The following SHISA9 variants were observed in gnomAD, a reference collection of about 807,000 sequenced individuals.
SHISA9 encodes shisa family member 9, also known as protein shisa-9.
SHISA9 carries 13 observed loss-of-function variants against 38.0 expected under a neutral mutation model. The ratio of observed to expected loss-of-function variants is 0.34; its 90% CI spans 0.22 to 0.54. SHISA9 has a LOEUF of 0.54. Ranked by LOEUF, SHISA9 falls within the 20% of genes least tolerant of loss-of-function variation. SHISA9 has a pLI of 0.91. For missense variants in SHISA9, 538 were observed against 575.8 expected (o/e 0.93, Z 0.67); for synonymous variants, 275 against 242.0 (o/e 1.14, Z -1.27).
At chr16:12,946,753 G>A (rs2071693349) in intron 2 of SHISA9, among the ~76,000 whole-genome samples, 1 of 152,254 alleles carries the variant, frequency 6.6e-6, no homozygotes, top group African/African-American at 2.4e-5. Context: ...GCAGCTGTGA[G>A]CCATTAGCAA....
At chr16:13,509,487 A>G in the SHISA9 span, among the ~76,000 whole-genome samples, 3,938 of 152,280 alleles carry the variant, frequency 0.026, 178 homozygotes, top group African/African-American at 0.089. Flanking sequence ...CCTGCCTCAC[A>G]TAATTGCTGC....
In SHISA9 at chr16:12,908,548, G is replaced by A. The variant is rs2071135805; in HGVS notation, c.563+5921G>A. On this transcript the variant is annotated intron_variant, in intron 1 of 4. Transcript: ENST00000558583. The stretch of plus-strand genomic sequence containing the variant: ...AAGAGGACGAACCTGCCCCTGGAGA[G>A]TGGAGTGTCGGACTTCAAACCTGGA... 7 of 1,551,932 alleles carry A rather than the reference G, an allele frequency of 4.5e-6. No homozygotes were observed. The East Asian group carries it at 1.5e-4, about 33-fold the overall frequency.
chr16:13,163,224 G>C (rs2050610514), intron 2 of SHISA9, among the ~76,000 whole-genome samples: 1 of 152,110 alleles, frequency 6.6e-6, no homozygotes, highest in South Asian at 2.1e-4. Context: ...TACCTACCTA[G>C]AATAGGCCCA....
chr16:13,261,127 C>T, the SHISA9 span, among the ~76,000 whole-genome samples: 1 of 152,094 alleles, frequency 6.6e-6, no homozygotes, highest in Non-Finnish European at 1.5e-5. Context: ...AGATGCAATT[C>T]AAGTTGAGAT....
At chr16:13,223,427 A>T (rs1487036929) in intron 4 of SHISA9, among the ~76,000 whole-genome samples, 1 of 152,104 alleles carries the variant, frequency 6.6e-6, no homozygotes, top group Non-Finnish European at 1.5e-5. Flanking sequence ...TGAGATGTGC[A>T]TATTTCCAAA....
In SHISA9 at chr16:13,167,791, G is replaced by A. The variant is rs371021599; in HGVS notation, c.692-35603G>A. 3.9e-5 allele frequency among the ~76,000 whole-genome samples: 6 copies of A among 152,240 alleles called. No individual in the cohort carries two copies. The East Asian group carries it at 7.7e-4, about 20-fold the overall frequency. ...CAGCCATTCTTCCTGTACAGCCTGT[G>A]GAACTGTGAACCAATAAAACCTCTT... On this transcript the variant is annotated intron_variant, in intron 2 of 4. Transcript: ENST00000558583.
the SHISA9 span, among the ~76,000 whole-genome samples, chr16:13,353,149 G>T: frequency 6.6e-6 from 1 of 152,144 alleles, no homozygotes; most frequent in Admixed American, 6.5e-5. Context: ...ATTGGGGGCG[G>T]TGTGGGAACC....
At chr16:13,396,988 C>T in the SHISA9 span, among the ~76,000 whole-genome samples, 2 of 152,136 alleles carry the variant, frequency 1.3e-5, 1 homozygote, top group African/African-American at 4.8e-5. Flanking sequence ...AACTCCTCCT[C>T]CTCCTGCTTA....
the SHISA9 span, among the ~76,000 whole-genome samples, chr16:13,262,658 A>AGGG: frequency 5.8e-5 from 3 of 51,838 alleles, no homozygotes; most frequent in African/African-American, 9.6e-5. Flanking sequence ...GGAAGGAAGG[A>AGGG]AGGAAGGAAG....
intron 2 of SHISA9, among the ~76,000 whole-genome samples, chr16:13,112,444 GGTTTT>G (rs2073988243): frequency 7.7e-6 from 1 of 130,082 alleles, no homozygotes; most frequent in Non-Finnish European, 1.6e-5. Context: ...GGAGTATATT[GGTTTT>G]ATGGAGCTTT....
chr16:13,469,334 G>GAAAGAAAT, the SHISA9 span, among the ~76,000 whole-genome samples: 1 of 112,404 alleles, frequency 8.9e-6, no homozygotes, highest in East Asian at 2.4e-4. Flanking sequence ...AAGAAAGAAA[G>GAAAGAAAT]AAAGAAAGAA....
At chr16:13,497,374 A>C in the SHISA9 span, among the ~76,000 whole-genome samples, 1 of 152,282 alleles carries the variant, frequency 6.6e-6, no homozygotes, top group South Asian at 2.1e-4. Context: ...GGTATCCATC[A>C]TCATATGAAT....
At chr16:13,344,002 G>A in the SHISA9 span, among the ~76,000 whole-genome samples, 1,563 of 152,188 alleles carry the variant, frequency 0.01, 20 homozygotes, top group Middle Eastern at 0.037. Context: ...TAGCAAATGG[G>A]TCCAGAGCAT....
At chr16:13,560,443 A>G in the SHISA9 span, among the ~76,000 whole-genome samples, 1 of 152,232 alleles carries the variant, frequency 6.6e-6, no homozygotes, top group Non-Finnish European at 1.5e-5. Flanking sequence ...ATCGAAATTC[A>G]GGGATGGTAG....
chr16:12,970,454 T>TATATATACATATATATAC (rs1567357279), intron 2 of SHISA9, among the ~76,000 whole-genome samples: 1 of 69,186 alleles, frequency 1.4e-5, no homozygotes, highest in African/African-American at 5.5e-5. Context: ...CATATATATA[T>TATATATACATATATATAC]ACATATATGT....
chr16:13,561,277 G>A, the SHISA9 span, among the ~76,000 whole-genome samples: 1 of 152,144 alleles, frequency 6.6e-6, no homozygotes. Flanking sequence ...TTTTTCCAGT[G>A]ACTGTCTTTG....
the SHISA9 span, among the ~76,000 whole-genome samples, chr16:13,253,153 GC>G: frequency 4.6e-5 from 7 of 152,150 alleles, no homozygotes; most frequent in Non-Finnish European, 8.8e-5. Context: ...CATATAACAT[GC>G]AAAATGTGTG....
the SHISA9 span, among the ~76,000 whole-genome samples, chr16:13,444,193 A>C: frequency 7.2e-5 from 11 of 152,348 alleles, no homozygotes; most frequent in African/African-American, 2.4e-4. Flanking sequence ...CAATATAGAC[A>C]GACCCTGTCT....
the SHISA9 span, among the ~76,000 whole-genome samples, chr16:13,379,238 T>G: frequency 6.6e-6 from 1 of 151,980 alleles, no homozygotes; most frequent in Non-Finnish European, 1.5e-5. Context: ...AAATGAGGAG[T>G]TCACTCCAAG....
Sources: allele counts gnomAD v4.1 joint callset (sites outside exome capture counted in the v4.1 genomes callset), GRCh38; gene constraint gnomAD v4.1.1; transcripts MANE v1.5; gene names NCBI Gene and HGNC (gene_info 2026-07-23, HGNC 2026-07-21).